Variants in DENND2B observed in about 807,000 individuals in gnomAD.
DENND2B encodes DENN domain containing 2B, also known as DENN domain-containing protein 2B.
DENND2B carries 32 observed loss-of-function variants against 116.0 expected under a neutral mutation model. The observed-to-expected ratio is 0.28, with a 90% confidence interval of 0.21 to 0.37. The LOEUF (loss-of-function observed/expected upper bound fraction) is 0.37, where lower values mean the gene tolerates loss of function less well. DENND2B is among the 10% of genes least tolerant of loss of function. The pLI is 1.00. For missense variants in DENND2B, 1,276 were observed against 1,477.7 expected, an observed-to-expected ratio of 0.86 and a Z score of 2.24; for synonymous variants, 588 against 583.9, an observed-to-expected ratio of 1.01 and a Z score of -0.10.
intron 1 of DENND2B, among the ~76,000 whole-genome samples, chr11:8,765,774 ACC>A (rs2055619671): frequency 1.3e-5 from 2 of 152,122 alleles, no homozygotes; most frequent in Admixed American, 6.5e-5. Context: ...ACAGTGGCTC[ACC>A]CCTGTAATCC....
intron 4 of DENND2B, among the ~76,000 whole-genome samples, chr11:8,838,808 A>G (rs974475971): frequency 6.6e-6 from 1 of 152,242 alleles, no homozygotes; most frequent in African/African-American, 2.4e-5. Context: ...GACTATCTTC[A>G]TGACCTTGGG....
At chr11:8,709,320 T>C (rs1440713689) in intron 11 of DENND2B, among the ~76,000 whole-genome samples, 2 of 152,184 alleles carry the variant, frequency 1.3e-5, no homozygotes, top group African/African-American at 2.4e-5. Context: ...ATCAGAATCA[T>C]TGTGTCCAAT....
At chr11:8,910,468 A>C (rs1233883342) in intron 1 of DENND2B, among the ~76,000 whole-genome samples, 1 of 151,762 alleles carries the variant, frequency 6.6e-6, no homozygotes, top group Admixed American at 6.6e-5. Flanking sequence ...ATCTCGTCTC[A>C]CTGCAACCTC....
intron 2 of DENND2B, among the ~76,000 whole-genome samples, chr11:8,735,838 G>A (rs1027913811): frequency 1.3e-5 from 2 of 152,210 alleles, no homozygotes; most frequent in African/African-American, 4.8e-5. Flanking sequence ...CTAGATCCTC[G>A]TGACAAAGAG....
intron 1 of DENND2B, among the ~76,000 whole-genome samples, chr11:8,888,860 C>T (rs2063992061): frequency 6.6e-6 from 1 of 152,100 alleles, no homozygotes; most frequent in Non-Finnish European, 1.5e-5. Flanking sequence ...ATCAAAGCTA[C>T]AATGAGATGC....
intron 4 of DENND2B, among the ~76,000 whole-genome samples, chr11:8,720,640 T>C (rs535343753): frequency 6.6e-6 from 1 of 152,332 alleles, no homozygotes; most frequent in East Asian, 1.9e-4. Context: ...GTCCCTTCAC[T>C]GCCCTAACTC....
rs530296911 is a variant in DENND2B at position 8,791,808 on chromosome 11, T to C, written c.-26+18709A>G. On this transcript the variant is annotated intron_variant, in intron 1 of 19. Coordinates refer to ENST00000313726, the MANE Select transcript of DENND2B (RefSeq NM_213618.2). The stretch of plus-strand genomic sequence containing the variant: ...TTTCTTTAATGTCACAGAAAATGTT[T>C]TTAATTGTTATGGTACATCCTTAAG... Among the ~76,000 whole-genome samples the C allele has an allele frequency of 2.0e-5, 3 of 152,170 alleles. No individual in the cohort carries two copies. The South Asian group carries it at 6.2e-4, about 32-fold the overall frequency.
intron 1 of DENND2B, among the ~76,000 whole-genome samples, chr11:8,791,797 C>G (rs1308157740): frequency 6.6e-6 from 1 of 151,316 alleles, no homozygotes; most frequent in East Asian, 2.0e-4. Flanking sequence ...TTTAATGTCA[C>G]AGAAAATGTT....
intron 4 of DENND2B, among the ~76,000 whole-genome samples, chr11:8,818,644 C>T (rs1350362887): frequency 1.3e-5 from 2 of 152,146 alleles, no homozygotes; most frequent in South Asian, 2.1e-4. Flanking sequence ...CCAGCCATGC[C>T]CCACTGCCTT....
intron 1 of DENND2B, among the ~76,000 whole-genome samples, chr11:8,751,409 A>C (rs2052454692): frequency 6.6e-6 from 1 of 152,180 alleles, no homozygotes; most frequent in African/African-American, 2.4e-5. Flanking sequence ...CAGCAGTGGC[A>C]ACCCACTCGG....
chr11:8,802,299 GAA>G (rs35492912), intron 1 of DENND2B, among the ~76,000 whole-genome samples: 4 of 144,538 alleles, frequency 2.8e-5, no homozygotes, highest in Admixed American at 6.9e-5. Flanking sequence ...ACTCTGTCTG[GAA>G]AAAAAAAAAA....
At chr11:8,834,363 T>C (rs1376067097) in intron 4 of DENND2B, among the ~76,000 whole-genome samples, 1 of 152,238 alleles carries the variant, frequency 6.6e-6, no homozygotes, top group South Asian at 2.1e-4. Context: ...TAAGACCTGA[T>C]ACAGCATTGC....
At chr11:8,791,765 C>CA (rs3055911) in intron 1 of DENND2B, among the ~76,000 whole-genome samples, 15,530 of 147,306 alleles carry the variant, frequency 0.11, 913 homozygotes, top group South Asian at 0.26. Context: ...GACCCTATCT[C>CA]AAAAAAAAAA....
intron 4 of DENND2B, among the ~76,000 whole-genome samples, chr11:8,828,254 T>G (rs2062053875): frequency 6.6e-6 from 1 of 152,150 alleles, no homozygotes; most frequent in Non-Finnish European, 1.5e-5. Context: ...TAATTCAGCC[T>G]CATGACCTTG....
At chr11:8,765,253 G>A (rs1195848370) in intron 1 of DENND2B, among the ~76,000 whole-genome samples, 1 of 152,192 alleles carries the variant, frequency 6.6e-6, no homozygotes, top group African/African-American at 2.4e-5. Flanking sequence ...CCATGATGAT[G>A]ACCGAACTTG....
intron 1 of DENND2B, among the ~76,000 whole-genome samples, chr11:8,764,279 T>TG (rs2055216729): frequency 6.6e-6 from 1 of 152,012 alleles, no homozygotes. Context: ...AGGGTAACAC[T>TG]GGAACTACAG....
chr11:8,737,542 G>T (rs1482556878), intron 2 of DENND2B, among the ~76,000 whole-genome samples: 1 of 152,148 alleles, frequency 6.6e-6, no homozygotes, highest in African/African-American at 2.4e-5. Context: ...CAAGAAAAGG[G>T]AGGAGAAGCA....
chr11:8,864,069 C>T (rs1223993192), intron 2 of DENND2B, among the ~76,000 whole-genome samples: 2 of 152,090 alleles, frequency 1.3e-5, no homozygotes, highest in East Asian at 3.9e-4. Context: ...TGTAATCCAA[C>T]ATGACTAATA....
At chr11:8,757,483 G>A (rs1372096587) in intron 1 of DENND2B, among the ~76,000 whole-genome samples, 1 of 152,138 alleles carries the variant, frequency 6.6e-6, no homozygotes, top group East Asian at 1.9e-4. Flanking sequence ...AGTAAAAAGT[G>A]GACTCCAGGA....
Sources: allele counts gnomAD v4.1 joint callset (sites outside exome capture counted in the v4.1 genomes callset), GRCh38; gene constraint gnomAD v4.1.1; transcripts MANE v1.5; gene names NCBI Gene and HGNC (gene_info 2026-07-23, HGNC 2026-07-21).